The following WDR70 variants were observed in gnomAD, a reference collection of about 807,000 sequenced individuals.
WDR70 encodes the protein WD repeat domain 70, also known as WD repeat-containing protein 70.
In WDR70, 53 loss-of-function variants were observed where a neutral mutation model predicts 88.6. The observed-to-expected ratio is 0.60, with a 90% CI of 0.48 to 0.75. WDR70 has a LOEUF of 0.75. Ranked by LOEUF, WDR70 falls within the 30% of genes least tolerant of loss-of-function variation. WDR70 has a pLI of 0.00. For synonymous variants in WDR70, 280 were observed against 270.0 expected, an observed-to-expected ratio of 1.04 and a Z score of -0.36; for missense variants, 610 against 823.2, an observed-to-expected ratio of 0.74 and a Z score of 3.17.
chr5:37,658,327 C>G (rs1437022394), intron 10 of WDR70, among the ~76,000 whole-genome samples: 1 of 151,668 alleles, frequency 6.6e-6, no homozygotes, highest in Non-Finnish European at 1.5e-5. Flanking sequence ...ACAAAAGATA[C>G]CTTTTTAGTG....
intron 5 of WDR70, among the ~76,000 whole-genome samples, chr5:37,436,594 C>T (rs908976222): frequency 6.6e-6 from 1 of 151,964 alleles, no homozygotes; most frequent in East Asian, 1.9e-4. Flanking sequence ...TACTGAGAGC[C>T]TCTTATGTGC....
At chr5:37,430,701 C>T (rs1295905800) in intron 5 of WDR70, among the ~76,000 whole-genome samples, 6 of 152,056 alleles carry the variant, frequency 3.9e-5, no homozygotes, top group African/African-American at 7.2e-5. Flanking sequence ...GCTGGGATTA[C>T]AAGCCTGCGC....
chr5:37,729,444 G>C (rs1300076268), intron 17 of WDR70, among the ~76,000 whole-genome samples: 1 of 152,170 alleles, frequency 6.6e-6, no homozygotes, highest in African/African-American at 2.4e-5. Context: ...TGATGTTTCT[G>C]ATTTCAGTCC....
At chr5:37,740,366 A>G (rs1165776323) in intron 17 of WDR70, among the ~76,000 whole-genome samples, 2 of 152,252 alleles carry the variant, frequency 1.3e-5, no homozygotes, top group Admixed American at 1.3e-4. Context: ...ATTGCCAAAA[A>G]GAAAGAATAG....
At chr5:37,492,685 T>C (rs909723860) in intron 8 of WDR70, among the ~76,000 whole-genome samples, 2 of 152,184 alleles carry the variant, frequency 1.3e-5, no homozygotes, top group African/African-American at 4.8e-5. Context: ...TTTGAATATA[T>C]AGGCAAGGAG....
intron 10 of WDR70, among the ~76,000 whole-genome samples, chr5:37,644,535 A>G (rs1248932674): frequency 1.3e-5 from 2 of 151,966 alleles, no homozygotes; most frequent in African/African-American, 4.8e-5. Flanking sequence ...ATTATTTGGA[A>G]TTGTTTGAGT....
intron 10 of WDR70, among the ~76,000 whole-genome samples, chr5:37,647,990 A>G (rs1219656261): frequency 1.3e-5 from 2 of 152,178 alleles, no homozygotes; most frequent in Non-Finnish European, 2.9e-5. Context: ...CTACCCCCAT[A>G]ATCCAATCAC....
At chr5:37,454,108 G>A (rs73749037) in intron 7 of WDR70, among the ~76,000 whole-genome samples, 14 of 152,186 alleles carry the variant, frequency 9.2e-5, no homozygotes, top group African/African-American at 3.4e-4. Flanking sequence ...GTTTTCTGTT[G>A]AGAAATAGAG....
At chr5:37,394,767 G>A (rs1026891494) in intron 4 of WDR70, among the ~76,000 whole-genome samples, 1 of 152,306 alleles carries the variant, frequency 6.6e-6, no homozygotes, top group African/African-American at 2.4e-5. Flanking sequence ...CAAAGACCTT[G>A]TTGTGAACCA....
chr5:37,467,272 A>G (rs1488111934), intron 7 of WDR70, among the ~76,000 whole-genome samples: 1 of 151,850 alleles, frequency 6.6e-6, no homozygotes, highest in Non-Finnish European at 1.5e-5. Context: ...TATTTCTCAC[A>G]GTTCTGGAGG....
In WDR70 at chr5:37,752,526, G is replaced by C. The variant is rs766959000; in HGVS notation, c.1918G>C (p.Asp640His). The C allele has an allele frequency of 9.9e-6, 16 of 1,612,770 alleles. No homozygotes were observed. The highest frequency in any genetic ancestry group is 8.4e-5 in the Admixed American group (5 of 59,794). The change falls in exon 18 of 18, where the codon GAT becomes CAT. Residue 640 changes from aspartate to histidine, a missense_variant. By Grantham distance (81) the Asp-to-His change is moderately conservative (BLOSUM62 -1). Around this residue, in one of 4 missense-constraint regions of WDR70, gnomAD observed 70 missense variants for 139.2 expected, o/e 0.50. Transcript: ENST00000265107. Reference sequence around the variant, plus strand: ...CATGTTTGCCCAAGTTGAATCTGATGATGAGGAAGCAAAGAATGAGCCAGA... The same window carrying C: ...CATGTTTGCCCAAGTTGAATCTGATCATGAGGAAGCAAAGAATGAGCCAGA... ...KTMFAQVESD[D>H]EEAKNEPEWK...
intron 10 of WDR70, among the ~76,000 whole-genome samples, chr5:37,674,198 T>C (rs1047587875): frequency 1.3e-5 from 2 of 152,058 alleles, no homozygotes; most frequent in Admixed American, 6.5e-5. Flanking sequence ...TGCCACACTG[T>C]CTTCCACAAT....
chr5:37,548,857 A>T (rs181329261), intron 9 of WDR70, among the ~76,000 whole-genome samples: 2 of 152,358 alleles, frequency 1.3e-5, no homozygotes, highest in Non-Finnish European at 2.9e-5. Flanking sequence ...GTTCTTCTGC[A>T]TATGGATATC....
At chr5:37,639,649 A>G (rs1228801816) in intron 10 of WDR70, among the ~76,000 whole-genome samples, 2 of 152,088 alleles carry the variant, frequency 1.3e-5, no homozygotes, top group Non-Finnish European at 2.9e-5. Flanking sequence ...TTGGATAATA[A>G]GCTCCTTGAG....
chr5:37,549,580 CA>C (rs1246678215), intron 9 of WDR70, among the ~76,000 whole-genome samples: 1 of 152,144 alleles, frequency 6.6e-6, no homozygotes, highest in Admixed American at 6.5e-5. Flanking sequence ...TCACCATCTG[CA>C]AACAAGGATA....
chr5:37,480,040 C>A, intron 8 of WDR70, 53 bp downstream of exon 8: 1 of 1,555,970 alleles, frequency 6.4e-7, no homozygotes. Context: ...CATTTATTAA[C>A]AACTATTTGA....
chr5:37,469,316 C>T (rs989199263), intron 7 of WDR70, among the ~76,000 whole-genome samples: 18 of 152,104 alleles, frequency 1.2e-4, no homozygotes, highest in Admixed American at 7.2e-4. Context: ...CTCTTGTTCT[C>T]GAGCCTATAA....
At chr5:37,449,640 C>A (rs1030969742) in intron 7 of WDR70, among the ~76,000 whole-genome samples, 27 of 149,382 alleles carry the variant, frequency 1.8e-4, no homozygotes, top group Non-Finnish European at 2.5e-4. Context: ...TAAATAAAAT[C>A]AAATGCTCCA....
chr5:37,542,569 A>G (rs985989614), intron 9 of WDR70, among the ~76,000 whole-genome samples: 1 of 152,112 alleles, frequency 6.6e-6, no homozygotes, highest in South Asian at 2.1e-4. Context: ...GTGTGAGCCA[A>G]TGTGCCCCGG....
Sources: allele counts gnomAD v4.1 joint callset (sites outside exome capture counted in the v4.1 genomes callset), GRCh38; gene constraint gnomAD v4.1.1; regional missense constraint gnomAD v4.1.1; transcripts MANE v1.5; gene names NCBI Gene and HGNC (gene_info 2026-07-23, HGNC 2026-07-21).